Variants in ATRNL1 observed in about 807,000 individuals in gnomAD.
The protein encoded by ATRNL1 is attractin like 1.
ATRNL1 carries 95 observed loss-of-function variants against 182.7 expected under a neutral mutation model. The ratio of observed to expected loss-of-function variants is 0.52; its 90% CI spans 0.44 to 0.62. The LOEUF (loss-of-function observed/expected upper bound fraction) is 0.62. Among genes scored for constraint, ATRNL1 ranks in the 20% least tolerant of loss-of-function variants. The pLI, the probability that ATRNL1 is intolerant of heterozygous loss-of-function variation, is 0.00. For missense variants in ATRNL1, 1,471 were observed against 1,679.5 expected (o/e 0.88, Z 2.17); for synonymous variants, 576 against 568.3 (o/e 1.01, Z -0.19).
intron 6 of ATRNL1, among the ~76,000 whole-genome samples, chr10:115,163,612 C>T (rs934490511): frequency 2.0e-5 from 3 of 152,162 alleles, no homozygotes; most frequent in South Asian, 2.1e-4. Context: ...GTGATCCTCC[C>T]ACCTCGGCTT....
At chr10:115,882,724 G>A (rs992157271) in intron 28 of ATRNL1, among the ~76,000 whole-genome samples, 6 of 152,124 alleles carry the variant, frequency 3.9e-5, no homozygotes, top group Admixed American at 6.6e-5. Context: ...GTAGAATGGC[G>A]TCTCTTCCCC....
At chr10:115,747,875 T>C (rs1555069599) in intron 27 of ATRNL1, among the ~76,000 whole-genome samples, 1 of 152,086 alleles carries the variant, frequency 6.6e-6, no homozygotes, top group Non-Finnish European at 1.5e-5. Flanking sequence ...GCCTTCTTGC[T>C]GTATCCTCTT....
intron 21 of ATRNL1, among the ~76,000 whole-genome samples, chr10:115,461,012 A>G (rs142536326): frequency 2.6e-5 from 4 of 152,242 alleles, no homozygotes; most frequent in African/African-American, 9.6e-5. Flanking sequence ...ATTATACAAT[A>G]AATATATAGG....
At chr10:115,165,908 C>T (rs1348567163) in intron 7 of ATRNL1, among the ~76,000 whole-genome samples, 3 of 151,884 alleles carry the variant, frequency 2.0e-5, no homozygotes, top group East Asian at 1.9e-4. Context: ...AAAATTATGG[C>T]GAAATACATG....
At chr10:115,756,229 T>G (rs1159504877) in intron 27 of ATRNL1, among the ~76,000 whole-genome samples, 1 of 152,302 alleles carries the variant, frequency 6.6e-6, no homozygotes. Flanking sequence ...TTGCTCTTGC[T>G]TCTCTAGTTC....
intron 19 of ATRNL1, among the ~76,000 whole-genome samples, chr10:115,390,927 C>T (rs1246662883): frequency 1.3e-5 from 2 of 151,948 alleles, no homozygotes; most frequent in African/African-American, 4.8e-5. Flanking sequence ...GGATTGATGT[C>T]TTAATTTCTT....
chr10:115,343,437 A>G (rs1379373044), intron 19 of ATRNL1, among the ~76,000 whole-genome samples: 3 of 152,136 alleles, frequency 2.0e-5, no homozygotes, highest in African/African-American at 7.2e-5. Flanking sequence ...CCATATGCGA[A>G]TTACATCTTT....
At chr10:115,395,619 C>A (rs1473210076) in intron 20 of ATRNL1, among the ~76,000 whole-genome samples, 1 of 151,480 alleles carries the variant, frequency 6.6e-6, no homozygotes, top group Non-Finnish European at 1.5e-5. Context: ...GTCCTTTAAC[C>A]CTTTCAGCTG....
At chr10:115,268,835 C>G (rs1554911825) in intron 13 of ATRNL1, among the ~76,000 whole-genome samples, 1 of 152,136 alleles carries the variant, frequency 6.6e-6, no homozygotes, top group East Asian at 1.9e-4. Context: ...TGGTCTAGTG[C>G]TTTGTTTTCA....
intron 9 of ATRNL1, among the ~76,000 whole-genome samples, chr10:115,219,953 G>A (rs756067711): frequency 3.3e-4 from 50 of 152,066 alleles, no homozygotes; most frequent in Non-Finnish European, 6.2e-4. Context: ...ACATATCCTC[G>A]TGCACAGCCT....
intron 26 of ATRNL1, among the ~76,000 whole-genome samples, chr10:115,567,999 A>G (rs1854167264): frequency 6.6e-6 from 1 of 152,052 alleles, no homozygotes; most frequent in South Asian, 2.1e-4. Flanking sequence ...AATACGTCTA[A>G]TTATTGTGCT....
chr10:115,887,363 G>C (rs1274081919), intron 28 of ATRNL1, among the ~76,000 whole-genome samples: 1 of 152,208 alleles, frequency 6.6e-6, no homozygotes, highest in Non-Finnish European at 1.5e-5. Context: ...CAGTTCTGAA[G>C]TTAGGAAGTG....
In ATRNL1 at chr10:115,521,043, A is replaced by C. The variant is rs76768638; in HGVS notation, c.3716+1719A>C. Among the ~76,000 whole-genome samples, 1,264 of 152,340 alleles carry C rather than the reference A, an allele frequency of 8.3e-3. 16 individuals are homozygous for C. The highest frequency in any genetic ancestry group is 0.029 in the African/African-American group (1,204 of 41,582). ...TACAACTTTGTACTTCAGAAAACAA[A>C]TGAATTTTAAGGCTATTAACAAAGT... On this transcript the variant is annotated intron_variant, in intron 25 of 28. Transcript: ENST00000355044.
chr10:115,807,251 G>A (rs1464701264), intron 27 of ATRNL1, among the ~76,000 whole-genome samples: 1 of 152,018 alleles, frequency 6.6e-6, no homozygotes, highest in East Asian at 1.9e-4. Context: ...GAGTAGCTGG[G>A]ATTACAAGCG....
intron 26 of ATRNL1, among the ~76,000 whole-genome samples, chr10:115,708,088 T>C (rs576894958): frequency 6.6e-6 from 1 of 151,620 alleles, no homozygotes; most frequent in East Asian, 1.9e-4. Context: ...TATAAAATAA[T>C]CATTATCCAG....
chr10:115,360,180 A>G (rs972437179), intron 19 of ATRNL1, among the ~76,000 whole-genome samples: 1 of 151,918 alleles, frequency 6.6e-6, no homozygotes, highest in Admixed American at 6.6e-5. Context: ...TAATATATGT[A>G]GGAAAAACAA....
intron 19 of ATRNL1, among the ~76,000 whole-genome samples, chr10:115,361,875 A>C (rs989255570): frequency 2.6e-5 from 4 of 152,060 alleles, no homozygotes; most frequent in Non-Finnish European, 5.9e-5. Context: ...ATTGTTTATG[A>C]TCATGTTCAC....
chr10:115,432,605 T>C (rs1846223359), intron 21 of ATRNL1, among the ~76,000 whole-genome samples: 1 of 152,170 alleles, frequency 6.6e-6, no homozygotes, highest in Non-Finnish European at 1.5e-5. Context: ...TTGAAAGTGA[T>C]ATGTCAGCAG....
At chr10:115,396,248 T>C (rs1844283290) in intron 20 of ATRNL1, among the ~76,000 whole-genome samples, 1 of 151,918 alleles carries the variant, frequency 6.6e-6, no homozygotes, top group African/African-American at 2.4e-5. Flanking sequence ...GGGGAATTCC[T>C]ATTAAGGAAG....
Sources: allele counts gnomAD v4.1 joint callset (sites outside exome capture counted in the v4.1 genomes callset), GRCh38; gene constraint gnomAD v4.1.1; transcripts MANE v1.5; gene names NCBI Gene and HGNC (gene_info 2026-07-23, HGNC 2026-07-21).